MACROD2: variants seen among roughly 807,000 people sequenced by gnomAD.
MACROD2 encodes the protein mono-ADP ribosylhydrolase 2.
A neutral mutation model predicts 70.4 loss-of-function variants in MACROD2; 36 were observed. That is an observed-to-expected ratio of 0.51 (90% CI 0.39 to 0.68). The LOEUF is 0.68. MACROD2 is among the 30% of genes least tolerant of loss of function. The probability of loss-of-function intolerance (pLI) is 0.00; values close to 1 mark genes in which losing one functional copy is unlikely to be tolerated. For missense variants in MACROD2, 496 were observed against 538.4 expected (o/e 0.92, Z 0.78); for synonymous variants, 172 against 178.8 (o/e 0.96, Z 0.30).
chr20:15,044,711 G>A (rs1203126575), intron 5 of MACROD2, among the ~76,000 whole-genome samples: 2 of 152,140 alleles, frequency 1.3e-5, no homozygotes, highest in Non-Finnish European at 2.9e-5. Context: ...GCTTGAAAAT[G>A]TTAACAGTGC....
chr20:15,002,067 A>G (rs956294018), intron 5 of MACROD2, among the ~76,000 whole-genome samples: 5 of 152,182 alleles, frequency 3.3e-5, no homozygotes, highest in Non-Finnish European at 7.3e-5. Flanking sequence ...TTGTGCTGCT[A>G]TAAACATGCA....
At position 14,479,581 on chromosome 20, in the gene MACROD2, C is replaced by T. The variant is rs142761480; in HGVS notation, c.272-13898C>T. ...GACCTGGGTTCTCTAATCAGTTCACCCTCCTTTTGCACCTTTCAGAGTTCT... is the reference window on the plus strand; with the variant it reads ...GACCTGGGTTCTCTAATCAGTTCACTCTCCTTTTGCACCTTTCAGAGTTCT... On this transcript the variant is annotated intron_variant, in intron 3 of 17. Coordinates refer to ENST00000684519, the MANE Select transcript of MACROD2 (RefSeq NM_001351661.2). Among the ~76,000 whole-genome samples, 991 of 152,166 alleles carry T rather than the reference C, an allele frequency of 6.5e-3. 6 individuals carry two copies. The highest frequency in any genetic ancestry group is 7.9e-3 in the Admixed American group (120 of 15,274).
intron 4 of MACROD2, among the ~76,000 whole-genome samples, chr20:14,624,781 A>C (rs574840111): frequency 2.0e-4 from 30 of 152,264 alleles, no homozygotes; most frequent in African/African-American, 7.2e-4. Context: ...ATGTTATCCT[A>C]GTTGATAAAG....
chr20:14,360,481 C>T (rs75185276), intron 3 of MACROD2, among the ~76,000 whole-genome samples: 2,253 of 152,202 alleles, frequency 0.015, 23 homozygotes, highest in African/African-American at 0.027. Context: ...GTTCATTGTT[C>T]AACTTTCTTT....
chr20:14,221,147 C>A (rs1196490208), intron 3 of MACROD2, among the ~76,000 whole-genome samples: 1 of 152,184 alleles, frequency 6.6e-6, no homozygotes, highest in African/African-American at 2.4e-5. Context: ...TGCCAAGCCA[C>A]AACAGTAACT....
At chr20:15,590,828 A>G (rs1170138435) in intron 8 of MACROD2, among the ~76,000 whole-genome samples, 1 of 151,674 alleles carries the variant, frequency 6.6e-6, no homozygotes, top group Non-Finnish European at 1.5e-5. Flanking sequence ...AGGTGAGTCC[A>G]TGACACTGTA....
intron 3 of MACROD2, among the ~76,000 whole-genome samples, chr20:14,412,130 T>C (rs1254480150): frequency 6.6e-6 from 1 of 152,138 alleles, no homozygotes; most frequent in East Asian, 1.9e-4. Flanking sequence ...AATTGCAATT[T>C]CTCTGCCCGC....
intron 8 of MACROD2, among the ~76,000 whole-genome samples, chr20:15,825,792 G>A (rs1042635351): frequency 8.5e-5 from 13 of 152,048 alleles, no homozygotes; most frequent in Non-Finnish European, 1.5e-4. Context: ...CTTGGTGTTG[G>A]AATATCCTTT....
intron 5 of MACROD2, among the ~76,000 whole-genome samples, chr20:15,080,233 T>C (rs1488215968): frequency 6.6e-6 from 1 of 152,116 alleles, no homozygotes; most frequent in African/African-American, 2.4e-5. Flanking sequence ...AAAAGACATG[T>C]CTTTGTGATC....
At chr20:14,175,619 G>A (rs752251435) in intron 3 of MACROD2, among the ~76,000 whole-genome samples, 1 of 152,204 alleles carries the variant, frequency 6.6e-6, no homozygotes, top group Non-Finnish European at 1.5e-5. Flanking sequence ...CAAAGACACA[G>A]GGTGCTAGAG....
chr20:14,783,926 C>T (rs1459544556), intron 5 of MACROD2, among the ~76,000 whole-genome samples: 4 of 152,042 alleles, frequency 2.6e-5, no homozygotes, highest in Admixed American at 2.0e-4. Context: ...GACATTAAGT[C>T]CTGAGCACTC....
chr20:14,117,638 G>T (rs2054532673), intron 3 of MACROD2, among the ~76,000 whole-genome samples: 1 of 152,142 alleles, frequency 6.6e-6, no homozygotes, highest in African/African-American at 2.4e-5. Flanking sequence ...GGAATGGTAT[G>T]TGTAGGCTAA....
chr20:14,082,481 C>T (rs941641604), intron 2 of MACROD2, among the ~76,000 whole-genome samples: 9 of 151,578 alleles, frequency 5.9e-5, no homozygotes, highest in African/African-American at 1.9e-4. Context: ...CGTGAGCCAC[C>T]GCGCCTGGCC....
chr20:14,172,917 A>T (rs925068826), intron 3 of MACROD2, among the ~76,000 whole-genome samples: 7 of 152,178 alleles, frequency 4.6e-5, no homozygotes, highest in Admixed American at 3.3e-4. Context: ...GTTTCACTGG[A>T]TAGAAAATTC....
At chr20:14,380,984 A>G (rs1301859415) in intron 3 of MACROD2, among the ~76,000 whole-genome samples, 1 of 152,192 alleles carries the variant, frequency 6.6e-6, no homozygotes, top group African/African-American at 2.4e-5. Context: ...GTATTCACAT[A>G]GTGGCTATCA....
chr20:14,459,223 G>A (rs1419145960), intron 3 of MACROD2, among the ~76,000 whole-genome samples: 1 of 151,786 alleles, frequency 6.6e-6, no homozygotes, highest in African/African-American at 2.4e-5. Context: ...ATTACTTAGG[G>A]GCTCAAGCAG....
intron 5 of MACROD2, among the ~76,000 whole-genome samples, chr20:14,977,391 T>G (rs1281369534): frequency 6.6e-6 from 1 of 151,250 alleles, no homozygotes; most frequent in East Asian, 1.9e-4. Flanking sequence ...TGTCATGACC[T>G]TTTTAGGTTC....
At chr20:15,394,125 A>G (rs963683954) in intron 6 of MACROD2, among the ~76,000 whole-genome samples, 12 of 152,246 alleles carry the variant, frequency 7.9e-5, no homozygotes, top group African/African-American at 2.9e-4. Flanking sequence ...AATAAATGCA[A>G]GATGGACAAT....
intron 3 of MACROD2, among the ~76,000 whole-genome samples, chr20:14,263,044 T>G (rs1344425908): frequency 2.0e-5 from 3 of 151,948 alleles, no homozygotes; most frequent in Admixed American, 2.0e-4. Flanking sequence ...ATAAAGGAGA[T>G]GGAGAAAGTG....
Sources: allele counts gnomAD v4.1 joint callset (sites outside exome capture counted in the v4.1 genomes callset), GRCh38; gene constraint gnomAD v4.1.1; transcripts MANE v1.5; gene names NCBI Gene and HGNC (gene_info 2026-07-23, HGNC 2026-07-21).